The following MED14 variants were observed in gnomAD, a reference collection of about 807,000 sequenced individuals.
MED14 encodes the protein mediator complex subunit 14.
In MED14, 8 loss-of-function variants were observed where a neutral mutation model predicts 109.0. The ratio of observed to expected loss-of-function variants is 0.07; its 90% CI spans 0.04 to 0.13. MED14 has a LOEUF of 0.13. MED14 is among the 10% of genes least tolerant of loss of function. MED14 has a pLI of 1.00. For synonymous variants in MED14, 399 were observed against 408.7 expected, an observed-to-expected ratio of 0.98 and a Z score of 0.29; for missense variants, 711 against 1,142.4, an observed-to-expected ratio of 0.62 and a Z score of 5.44.
chrX:40,709,851 TTAAAA>T, intron 9 of MED14, 123 bp downstream of exon 9: 1 of 406,361 alleles, frequency 2.5e-6, no homozygotes, highest in Non-Finnish European at 4.2e-6. Flanking sequence ...TAACATTTAC[TTAAAA>T]TAAGTTTCAT....
At chrX:40,673,566 G>A (rs1194842685) in intron 22 of MED14, among the ~76,000 whole-genome samples, 3 of 111,661 alleles carry the variant, frequency 2.7e-5, no homozygotes, top group Non-Finnish European at 3.8e-5. Flanking sequence ...GGCTCTCACT[G>A]TGTCAAATTA....
At position 40,651,095 on chromosome X, in the gene MED14, C is replaced by A. The variant is rs987799676; in HGVS notation, c.*711G>T. 42 of 748,732 alleles carry A rather than the reference C, an allele frequency of 5.6e-5. No individual in the cohort carries two copies. Among genetic ancestry groups the A allele is most frequent in the Non-Finnish European group, 6.4e-5 (41 of 635,676 alleles). 61.7% of individuals were successfully genotyped at this position (748,732 alleles called of 1,213,427 possible). The stretch of plus-strand genomic sequence containing the variant: ...AAGGTGCTAAATGTTAACCACTAGT[C>A]AAGTTAGGAATGTCTGAAGAAAATA... On this transcript the variant is annotated 3_prime_UTR_variant, in exon 31 of 31. Coordinates refer to ENST00000324817, the MANE Select transcript of MED14 (RefSeq NM_004229.4).
Position 40,651,437 on chromosome X carries a change from T to TA in MED14, c.*368dup, listed in dbSNP as rs1928869053. 9 of 765,460 alleles carry TA rather than the reference T, an allele frequency of 1.2e-5. No homozygotes were observed. In the South Asian group the frequency reaches 4.6e-4, roughly 39 times the overall value. 63.1% of individuals were successfully genotyped at this position (765,460 alleles called of 1,213,427 possible). On this transcript the variant is annotated 3_prime_UTR_variant, in exon 31 of 31. Transcript: ENST00000324817. ...GTATTCAAAAATGACAGACCTGCCT[T>TA]AAAAAACAAAACAAAAACCAAAAAA...
At chrX:40,692,611 A>C (rs1930563997) in intron 14 of MED14, 97 bp downstream of exon 14, 3 of 867,505 alleles carry the variant, frequency 3.5e-6, no homozygotes, top group Non-Finnish European at 4.9e-6. Context: ...GTCTCTTAAA[A>C]ACTGTATCTT....
chrX:40,670,618 G>A (rs1200016454), intron 23 of MED14, among the ~76,000 whole-genome samples: 1 of 110,295 alleles, frequency 9.1e-6, no homozygotes, highest in Non-Finnish European at 1.9e-5. Flanking sequence ...AAAATTAGCC[G>A]GGCGCGGTAG....
chrX:40,704,136 T>C (rs1931048914), intron 10 of MED14, among the ~76,000 whole-genome samples: 1 of 111,881 alleles, frequency 8.9e-6, no homozygotes, highest in South Asian at 3.6e-4. Flanking sequence ...AAGTCACAGA[T>C]GAATTAAGAA....
chrX:40,684,299 A>C (rs2146659730), intron 16 of MED14, among the ~76,000 whole-genome samples: 1 of 111,838 alleles, frequency 8.9e-6, no homozygotes, highest in East Asian at 2.8e-4. Flanking sequence ...GATCAAAAAC[A>C]TCTGCAGACA....
rs182291040 is a variant in MED14, at chrX:40,680,303, G to T, written c.2611-170C>A. Among the ~76,000 whole-genome samples, 32 of 111,368 alleles carry T rather than the reference G, an allele frequency of 2.9e-4. No homozygotes were observed. The East Asian group carries it at 7.8e-3, about 27-fold the overall frequency. ...ATCACTGGGTCCACACTGAATCAAA[G>T]AAAATTCTCAAAGAAGTGTTCAAGA... On this transcript the variant is annotated intron_variant, in intron 20 of 30. Transcript: ENST00000324817.
At chrX:40,712,442 AC>A in intron 6 of MED14, 149 bp from the exon 7 acceptor site, 1 of 411,831 alleles carries the variant, frequency 2.4e-6, no homozygotes, top group Non-Finnish European at 4.3e-6. Flanking sequence ...TCTGAGAAAC[AC>A]TGAAACTTCC....
rs1461240948 is a variant in MED14 at position 40,703,434 on chromosome X, A to G, written c.1411+10T>C. ...CTTACATTGAATGATTATATCATTT[A>G]GTAACTTACCAAGTCCATAAAGCAT... On this transcript the variant is annotated intron_variant, in intron 11 of 30. Transcript: ENST00000324817. 3.4e-6 allele frequency: 4 copies of G among 1,170,111 alleles called. No homozygotes were observed.
rs773230492 is a variant in MED14 at position 40,703,463 on chromosome X, T to C, written c.1392A>G (p.Gln464=). 5.0e-6 allele frequency: 6 copies of C among 1,197,857 alleles called. No homozygotes were observed. The highest frequency in any genetic ancestry group is 1.7e-5 in the African/African-American group (1 of 57,526). ...IFVDLHSGMF[Q]LMLYGLDQAT... is the part of the protein sequence containing the mutation. ...ACTTACCAAGTCCATAAAGCATCAA[T>C]TGAAACATTCCAGAATGTAAATCTA... The change falls in exon 11 of 31, where the codon CAA becomes CAG. Residue 464 remains glutamine, a synonymous_variant. Transcript: ENST00000324817.
intron 1 of MED14, among the ~76,000 whole-genome samples, chrX:40,730,550 T>C (rs1883642411): frequency 9.0e-6 from 1 of 110,950 alleles, no homozygotes. Context: ...ACAGGAATCA[T>C]TGTTCCCACT....
chrX:40,732,911 A>C (rs1049206458), intron 1 of MED14, among the ~76,000 whole-genome samples: 3 of 110,709 alleles, frequency 2.7e-5, no homozygotes, highest in African/African-American at 9.9e-5. Flanking sequence ...GAAAAAAAAA[A>C]GGTTAAGGAA....
At chrX:40,698,072 GA>G (rs1930786999) in intron 12 of MED14, among the ~76,000 whole-genome samples, 1 of 111,940 alleles carries the variant, frequency 8.9e-6, no homozygotes, top group African/African-American at 3.2e-5. Flanking sequence ...AAGGAATGAA[GA>G]TAAATTTTGA....
chrX:40,701,102 A>T, intron 12 of MED14, 63 bp downstream of exon 12: 1 of 830,021 alleles, frequency 1.2e-6, no homozygotes, highest in South Asian at 2.4e-5. Context: ...ATGATGGAGA[A>T]GAAAACATAT....
At chrX:40,697,270 T>TA (rs745656215) in intron 12 of MED14, 87 bp from the exon 13 acceptor site, 5 of 524,224 alleles carry the variant, frequency 9.5e-6, no homozygotes, top group East Asian at 3.6e-5. Context: ...TAAAGACCAT[T>TA]AAAAAAACAA....
Position 40,709,378 on chromosome X carries a change from T to C in MED14, c.1255A>G (p.Ile419Val). Residue 419 changes from isoleucine (I) to valine (V), a missense_variant, in exon 10 of 31, where the codon ATT becomes GTT. Ile to Val is a conservative substitution (Grantham distance 29). Coordinates refer to ENST00000324817, the MANE Select transcript of MED14 (RefSeq NM_004229.4). ...AHQKLQELKA[I>V]LRGFNANENS... ...TCATTGGCATTGAAGCCTCTAAGAA[T>C]GGCCTTCAGTTCTTGGAGCTTCTGA... 1 of 1,127,996 alleles carries C rather than the reference T, an allele frequency of 8.9e-7. No homozygotes were observed. Among genetic ancestry groups the C allele is most frequent in the Non-Finnish European group, 1.2e-6 (1 of 840,735 alleles). The allele number at this position is 1,127,996 out of a possible 1,213,427, so 93.0% of individuals were successfully genotyped here.
intron 10 of MED14, among the ~76,000 whole-genome samples, chrX:40,704,836 A>T (rs1031110646): frequency 6.3e-5 from 7 of 111,606 alleles, no homozygotes; most frequent in Admixed American, 3.8e-4. Context: ...AAAATCCAAA[A>T]TTTTTTGAGC....
At chrX:40,695,262 T>C in intron 13 of MED14, among the ~76,000 whole-genome samples, 1 of 112,060 alleles carries the variant, frequency 8.9e-6, no homozygotes, top group Non-Finnish European at 1.9e-5. Context: ...TCAGAACTCA[T>C]GCTAAAAAGT....
Sources: allele counts gnomAD v4.1 joint callset (sites outside exome capture counted in the v4.1 genomes callset), GRCh38; gene constraint gnomAD v4.1.1; transcripts MANE v1.5; gene names NCBI Gene and HGNC (gene_info 2026-07-23, HGNC 2026-07-21).